PRKCE: variants seen among roughly 807,000 people sequenced by gnomAD.
PRKCE encodes protein kinase C epsilon, also known as protein kinase C epsilon type.
PRKCE carries 16 observed loss-of-function variants against 85.4 expected under a neutral mutation model. The ratio of observed to expected loss-of-function variants is 0.19; its 90% CI spans 0.13 to 0.28. The LOEUF (loss-of-function observed/expected upper bound fraction) is 0.28. Among genes scored for constraint, PRKCE ranks in the 10% least tolerant of loss-of-function variants. PRKCE has a pLI of 1.00. For synonymous variants in PRKCE, 388 were observed against 371.5 expected (o/e 1.04, Z -0.51); for missense variants, 573 against 975.2 (o/e 0.59, Z 5.49).
chr2:46,096,439 C>T (rs1670686617), intron 11 of PRKCE, among the ~76,000 whole-genome samples: 1 of 152,128 alleles, frequency 6.6e-6, no homozygotes, highest in Non-Finnish European at 1.5e-5. Flanking sequence ...CCCAGTACCA[C>T]AGAATGTGAT....
At chr2:45,795,071 C>A (rs916386917) in intron 1 of PRKCE, among the ~76,000 whole-genome samples, 5 of 152,178 alleles carry the variant, frequency 3.3e-5, no homozygotes, top group African/African-American at 1.2e-4. Context: ...GGAGGTGAGG[C>A]CAGCACCTCT....
intron 8 of PRKCE, 68 bp from the exon 9 acceptor site, chr2:46,007,394 G>T: frequency 6.6e-7 from 1 of 1,508,334 alleles, no homozygotes; most frequent in Non-Finnish European, 9.1e-7. Flanking sequence ...AAGTCTGAGT[G>T]TTGAGTCCTA....
chr2:45,703,172 C>A (rs1345859424), intron 1 of PRKCE, among the ~76,000 whole-genome samples: 1 of 151,668 alleles, frequency 6.6e-6, no homozygotes, highest in South Asian at 2.1e-4. Context: ...TCACTCCTAC[C>A]TGAGTTAGAG....
chr2:46,048,309 G>A (rs1708649491), intron 10 of PRKCE, among the ~76,000 whole-genome samples: 1 of 152,208 alleles, frequency 6.6e-6, no homozygotes, highest in African/African-American at 2.4e-5. Context: ...TCTCAGAACT[G>A]TCCTGAGGCT....
At chr2:45,970,911 T>C (rs1311785465) in intron 2 of PRKCE, among the ~76,000 whole-genome samples, 1 of 150,314 alleles carries the variant, frequency 6.7e-6, no homozygotes, top group Non-Finnish European at 1.5e-5. Context: ...AAATTATACA[T>C]ACTATATATA....
intron 10 of PRKCE, among the ~76,000 whole-genome samples, chr2:46,062,882 G>C (rs979688378): frequency 1.1e-4 from 17 of 152,074 alleles, no homozygotes; most frequent in Non-Finnish European, 1.9e-4. Context: ...TCCCACCTCA[G>C]CTTCCCAAAA....
intron 1 of PRKCE, among the ~76,000 whole-genome samples, chr2:45,729,841 G>C (rs1322960619): frequency 1.3e-5 from 2 of 152,188 alleles, no homozygotes; most frequent in African/African-American, 4.8e-5. Context: ...CTTGCCTCAA[G>C]GGGAGCAGAT....
intron 14 of PRKCE, among the ~76,000 whole-genome samples, chr2:46,166,599 T>G (rs1326888711): frequency 2.0e-5 from 3 of 152,238 alleles, no homozygotes; most frequent in African/African-American, 4.8e-5. Flanking sequence ...GAAAGCCATG[T>G]GACACTCAGA....
chr2:46,020,053 T>C (rs1382247072), intron 10 of PRKCE, among the ~76,000 whole-genome samples: 1 of 152,108 alleles, frequency 6.6e-6, no homozygotes, highest in African/African-American at 2.4e-5. Context: ...TTTTACCATG[T>C]TGGCCAGGCT....
intron 13 of PRKCE, among the ~76,000 whole-genome samples, chr2:46,158,964 A>C (rs1452628003): frequency 6.6e-6 from 1 of 152,176 alleles, no homozygotes; most frequent in African/African-American, 2.4e-5. Context: ...TTCACCTACA[A>C]GCATTGAAAA....
intron 1 of PRKCE, 109 bp from the exon 2 acceptor site, chr2:45,842,891 C>A (rs1691473530): frequency 1.0e-6 from 1 of 984,204 alleles, no homozygotes; most frequent in Non-Finnish European, 1.6e-6. Context: ...TGGTGAATTA[C>A]ATGGAGCTGT....
intron 10 of PRKCE, among the ~76,000 whole-genome samples, chr2:46,015,522 A>G (rs1706050770): frequency 6.6e-6 from 1 of 152,130 alleles, no homozygotes. Flanking sequence ...TTGCTGCCCT[A>G]GGGAAAATGC....
At chr2:45,830,651 C>A (rs969782259) in intron 1 of PRKCE, among the ~76,000 whole-genome samples, 1 of 150,006 alleles carries the variant, frequency 6.7e-6, no homozygotes, top group African/African-American at 2.5e-5. Context: ...CAAAAGACAC[C>A]CTGAGACATA....
At chr2:45,915,387 G>A (rs990772893) in intron 2 of PRKCE, among the ~76,000 whole-genome samples, 2 of 152,072 alleles carry the variant, frequency 1.3e-5, no homozygotes, top group African/African-American at 2.4e-5. Context: ...AAGATCGATG[G>A]CATGAACTTC....
rs151277587 is a variant in PRKCE at position 46,073,525 on chromosome 2, C to T, written c.1438-12683C>T. ...CTCAGCTGCTTCTCGGAGGTCCTGG[C>T]TTCTCCTCGCCCTCCTGTTTGCCCT... On this transcript the variant is annotated intron_variant, in intron 10 of 14. Transcript: ENST00000306156. The T allele has an allele frequency of 2.0e-5, 3 of 152,428 alleles. No individual in the cohort carries two copies. The East Asian group carries it at 5.8e-4, about 29-fold the overall frequency. 9.4% of individuals were successfully genotyped at this position (152,428 alleles called of 1,614,324 possible). A position where few individuals can be genotyped will look rare whatever the true frequency, so the allele number is the denominator to read the frequency against.
chr2:45,651,328 G>T (rs1173549998), upstream of PRKCE: 1 of 150,734 alleles, frequency 6.6e-6, no homozygotes, highest in Admixed American at 6.6e-5. Flanking sequence ...GCTGGCCTGC[G>T]CCCCCGAGCC....
At chr2:45,962,570 G>A (rs1179374875) in intron 2 of PRKCE, among the ~76,000 whole-genome samples, 3 of 152,178 alleles carry the variant, frequency 2.0e-5, no homozygotes, top group Non-Finnish European at 4.4e-5. Context: ...TTTAGCTGAT[G>A]TTTCTCTTGG....
At chr2:46,096,006 A>G (rs1244315815) in intron 11 of PRKCE, among the ~76,000 whole-genome samples, 1 of 152,206 alleles carries the variant, frequency 6.6e-6, no homozygotes, top group Admixed American at 6.5e-5. Flanking sequence ...CAAAAAGGAG[A>G]TGTTGCCACA....
At chr2:46,154,270 C>G (rs1367261576) in intron 13 of PRKCE, among the ~76,000 whole-genome samples, 1 of 152,088 alleles carries the variant, frequency 6.6e-6, no homozygotes, top group African/African-American at 2.4e-5. Context: ...CACCCTTGCC[C>G]CAAGCCAGTG....
Sources: gnomAD v4.1 joint callset for allele counts (sites outside exome capture counted in the v4.1 genomes callset) on GRCh38, gnomAD v4.1.1 for gene constraint, MANE v1.5 for transcripts, NCBI Gene and HGNC (gene_info 2026-07-23, HGNC 2026-07-21) for gene names.